VSIG1: variants seen among roughly 807,000 people sequenced by gnomAD.
VSIG1 encodes the protein V-set and immunoglobulin domain-containing protein 1.
Under a neutral mutation model 20.1 loss-of-function variants are expected in VSIG1, and 11 were observed. The observed-to-expected ratio is 0.55, with a 90% CI of 0.34 to 0.91. VSIG1 has a LOEUF of 0.91. Among genes scored for constraint, VSIG1 ranks in the 40% least tolerant of loss-of-function variants. The pLI is 0.02. For synonymous variants in VSIG1, 126 were observed against 116.7 expected (o/e 1.08, Z -0.52); for missense variants, 283 against 298.8 (o/e 0.95, Z 0.39).
chrX:108,031,477 C>T, the VSIG1 span, among the ~76,000 whole-genome samples: 1 of 111,651 alleles, frequency 9.0e-6, no homozygotes, highest in Admixed American at 9.5e-5. Flanking sequence ...CTGAAAAAGG[C>T]TAATTTGGGG....
chrX:108,031,398 A>G, the VSIG1 span, among the ~76,000 whole-genome samples: 1 of 112,052 alleles, frequency 8.9e-6, no homozygotes, highest in Admixed American at 9.4e-5. Flanking sequence ...TTATGGAGAA[A>G]GGCTCAAATC....
At chrX:108,066,428 A>G (rs1225289839) in intron 2 of VSIG1, among the ~76,000 whole-genome samples, 1 of 111,934 alleles carries the variant, frequency 8.9e-6, no homozygotes, top group Non-Finnish European at 1.9e-5. Flanking sequence ...AAGTTTGTCT[A>G]TCCAAAAGAG....
chrX:108,020,173 A>G, the VSIG1 span, among the ~76,000 whole-genome samples: 21 of 111,673 alleles, frequency 1.9e-4, no homozygotes, highest in African/African-American at 6.5e-4. Context: ...GTAATTTTCT[A>G]TATCTTGTAG....
intron 2 of VSIG1, among the ~76,000 whole-genome samples, chrX:108,061,929 T>C (rs1181158589): frequency 1.8e-5 from 2 of 110,571 alleles, no homozygotes; most frequent in African/African-American, 6.6e-5. Flanking sequence ...CCCACAGGTC[T>C]TCCCACCAAG....
Position 108,047,933 on chromosome X carries a change from T to TACAC in VSIG1, c.49+2756_49+2759dup, listed in dbSNP as rs1317396087. On this transcript the variant is annotated intron_variant, in intron 1 of 6. Transcript: ENST00000217957. ...ATATATATATACACATATATATATA[T>TACAC]ACACATATATATATATATATACACA... is the stretch of plus-strand genomic sequence containing the variant. 1.7e-3 allele frequency among the ~76,000 whole-genome samples: 103 copies of TACAC among 58,950 alleles called. 3 individuals carry two copies. The highest frequency in any genetic ancestry group is 2.2e-3 in the Non-Finnish European group (85 of 38,047). The allele number at this position is 58,950 out of a possible 115,157, so 51.2% of individuals were successfully genotyped here.
At chrX:108,058,288 T>C in intron 2 of VSIG1, 87 bp downstream of exon 2, 4 of 958,154 alleles carry the variant, frequency 4.2e-6, no homozygotes, top group Non-Finnish European at 5.7e-6. Flanking sequence ...TGTGAAAGAA[T>C]GGCATGCCAG....
At chrX:108,023,995 G>A in the VSIG1 span, among the ~76,000 whole-genome samples, 1 of 111,464 alleles carries the variant, frequency 9.0e-6, no homozygotes, top group African/African-American at 3.3e-5. Flanking sequence ...TAGATAAGGT[G>A]GTAGTTCTGA....
chrX:108,056,930 A>G (rs1307373199), intron 1 of VSIG1, among the ~76,000 whole-genome samples: 1 of 112,344 alleles, frequency 8.9e-6, no homozygotes, highest in African/African-American at 3.2e-5. Context: ...GTTCATGCAA[A>G]TCTGTACCTG....
chrX:108,058,923 GGTGTGT>G (rs35330502), intron 2 of VSIG1, among the ~76,000 whole-genome samples: 27 of 105,709 alleles, frequency 2.6e-4, no homozygotes, highest in African/African-American at 6.5e-4. Flanking sequence ...TATACTCAAA[GGTGTGT>G]GTGTGTGTGT....
upstream of VSIG1, among the ~76,000 whole-genome samples, chrX:108,044,377 C>T (rs1739144922): frequency 2.7e-5 from 3 of 111,849 alleles, no homozygotes; most frequent in African/African-American, 9.8e-5. Flanking sequence ...TACTGAGTAT[C>T]TTAATTCTCC....
chrX:108,075,961 T>C, intron 5 of VSIG1, 116 bp from the exon 6 acceptor site: 1 of 942,528 alleles, frequency 1.1e-6, no homozygotes, highest in Non-Finnish European at 1.5e-6. Context: ...TTCCCTAGCC[T>C]ATACAAGTCA....
intron 1 of VSIG1, among the ~76,000 whole-genome samples, chrX:108,057,012 T>C (rs1266962081): frequency 1.8e-5 from 2 of 111,977 alleles, no homozygotes; most frequent in East Asian, 5.6e-4. Flanking sequence ...GGATGAATGG[T>C]TAAACAAACT....
At chrX:108,044,065 A>G (rs1325769072), upstream of VSIG1, among the ~76,000 whole-genome samples, 1 of 111,837 alleles carries the variant, frequency 8.9e-6, no homozygotes, top group Admixed American at 9.5e-5. Flanking sequence ...TGAAGGTGGA[A>G]TAAGTCAGGG....
At chrX:108,023,435 A>G in the VSIG1 span, among the ~76,000 whole-genome samples, 2 of 111,969 alleles carry the variant, frequency 1.8e-5, no homozygotes, top group African/African-American at 6.5e-5. Flanking sequence ...TTTGACTTTG[A>G]TATCAGGGTA....
chrX:108,071,311 T>C (rs2031235803), intron 3 of VSIG1, among the ~76,000 whole-genome samples: 1 of 111,738 alleles, frequency 8.9e-6, no homozygotes, highest in Non-Finnish European at 1.9e-5. Context: ...TATAGAAATT[T>C]ACATCATTGT....
At chrX:108,061,344 G>A in intron 2 of VSIG1, 4 of 682,688 alleles carry the variant, frequency 5.9e-6, no homozygotes, top group Non-Finnish European at 9.0e-6. Flanking sequence ...CACACTGAGA[G>A]ATTCAGTTCA....
At chrX:108,050,927 G>A (rs2030772394) in intron 1 of VSIG1, among the ~76,000 whole-genome samples, 1 of 110,942 alleles carries the variant, frequency 9.0e-6, no homozygotes, top group Non-Finnish European at 1.9e-5. Context: ...AAGAGCAAGG[G>A]TATCCTATGT....
chrX:108,066,163 A>G (rs777332046), intron 2 of VSIG1, among the ~76,000 whole-genome samples: 1 of 111,877 alleles, frequency 8.9e-6, no homozygotes, highest in South Asian at 3.8e-4. Flanking sequence ...ATAATAATAA[A>G]TGAGCCCTTG....
At chrX:108,070,293 G>T (rs977115187) in intron 3 of VSIG1, among the ~76,000 whole-genome samples, 1 of 111,626 alleles carries the variant, frequency 9.0e-6, no homozygotes, top group Non-Finnish European at 1.9e-5. Context: ...AAGCTAAATG[G>T]TAGATCAATG....
Sources: gnomAD v4.1 joint callset for allele counts (sites outside exome capture counted in the v4.1 genomes callset) on GRCh38, gnomAD v4.1.1 for gene constraint, MANE v1.5 for transcripts, NCBI Gene and HGNC (gene_info 2026-07-23, HGNC 2026-07-21) for gene names.